The following RADIL variants were observed in gnomAD, a reference collection of about 807,000 sequenced individuals.
The protein encoded by RADIL is ras-associating and dilute domain-containing protein.
RADIL carries 99 observed loss-of-function variants against 97.6 expected under a neutral mutation model. The observed-to-expected ratio is 1.01, with a 90% CI of 0.86 to 1.20. The LOEUF is 1.20. RADIL is among the 50% of genes most tolerant of loss of function. The probability of loss-of-function intolerance (pLI) is 0.00; values close to 1 mark genes in which losing one functional copy is unlikely to be tolerated. For synonymous variants in RADIL, 803 were observed against 691.8 expected (o/e 1.16, Z -2.52); for missense variants, 1,765 against 1,498.9 (o/e 1.18, Z -2.93).
At chr7:4,869,759 A>G (rs1218690280) in intron 2 of RADIL, among the ~76,000 whole-genome samples, 1 of 152,172 alleles carries the variant, frequency 6.6e-6, no homozygotes, top group African/African-American at 2.4e-5. Flanking sequence ...CTCAAGACTA[A>G]TAAGGTCAAT....
At chr7:4,799,844 C>A in intron 13 of RADIL, 75 bp from the exon 14 acceptor site, 1 of 1,434,542 alleles carries the variant, frequency 7.0e-7, no homozygotes, top group Non-Finnish European at 9.1e-7. Context: ...GCAGCCCCTC[C>A]CTTGGCACCT....
Position 4,849,913 on chromosome 7 carries a change from T to C in RADIL, c.536-13308A>G. Among the ~76,000 whole-genome samples the C allele has an allele frequency of 6.6e-6, 1 of 151,928 alleles. No homozygotes were observed. Among genetic ancestry groups the C allele is most frequent in the South Asian group, 2.1e-4 (1 of 4,820 alleles). ...TTATGTCCTAGTTTAATTGTATTTT[T>C]TATGGTGGTTAACACTGGTGATCTT... is the stretch of plus-strand genomic sequence containing the variant. On this transcript the variant is annotated intron_variant, in intron 2 of 14. Transcript: ENST00000399583. This position sits in a 1 kb window ranked among gnomAD's most constrained non-coding sequence, Gnocchi z 5.4.
chr7:4,844,257 A>G (rs1783516162), intron 2 of RADIL, among the ~76,000 whole-genome samples: 1 of 152,100 alleles, frequency 6.6e-6, no homozygotes, highest in African/African-American at 2.4e-5. Context: ...CATCCTGGCC[A>G]ACATGGTAAA....
At chr7:4,832,761 AAAG>A in intron 4 of RADIL, among the ~76,000 whole-genome samples, 1 of 145,512 alleles carries the variant, frequency 6.9e-6, no homozygotes, top group Non-Finnish European at 1.5e-5. Flanking sequence ...AAAAAAAAAA[AAAG>A]AATTATTCTT....
In RADIL at chr7:4,842,009, C is replaced by T. The variant is rs1202993651; in HGVS notation, c.536-5404G>A. On this transcript the variant is annotated intron_variant, in intron 2 of 14. Coordinates refer to ENST00000399583, the MANE Select transcript of RADIL (RefSeq NM_018059.5). This position sits in a 1 kb window ranked among gnomAD's most constrained non-coding sequence, Gnocchi z 4.5. Reference sequence around the variant, plus strand: ...GGTCGAGGCTGCAGTGAGCTACGATCACGCCACCGCACTCCAGCCTGGGCA... The same window carrying T: ...GGTCGAGGCTGCAGTGAGCTACGATTACGCCACCGCACTCCAGCCTGGGCA... 6.6e-6 allele frequency among the ~76,000 whole-genome samples: 1 copy of T among 151,566 alleles called. No homozygotes were observed. Among genetic ancestry groups the T allele is most frequent in the East Asian group, 1.9e-4 (1 of 5,160 alleles).
chr7:4,831,577 CAAAAA>C (rs397889423), intron 5 of RADIL, among the ~76,000 whole-genome samples: 5 of 77,868 alleles, frequency 6.4e-5, no homozygotes, highest in East Asian at 3.9e-4. Flanking sequence ...TGAAGATTCT[CAAAAA>C]AAAAAAAAAA....
Position 4,816,216 on chromosome 7 carries a change from C to A in RADIL, c.1966+12G>T. On this transcript the variant is annotated intron_variant, in intron 8 of 14. Coordinates refer to ENST00000399583, the MANE Select transcript of RADIL (RefSeq NM_018059.5). Reference sequence around the variant, plus strand: ...GAGCCCCCGACCCCTCAACCCTGCACGAGGCCCTCACCCCTGTCGAGGAGC... The same window carrying A: ...GAGCCCCCGACCCCTCAACCCTGCAAGAGGCCCTCACCCCTGTCGAGGAGC... 4 of 1,603,406 alleles carry A rather than the reference C, an allele frequency of 2.5e-6. No homozygotes were observed. Among genetic ancestry groups the A allele is most frequent in the Non-Finnish European group, 3.4e-6 (4 of 1,172,436 alleles).
intron 2 of RADIL, among the ~76,000 whole-genome samples, chr7:4,846,857 T>G (rs1357008550): frequency 6.6e-6 from 1 of 152,064 alleles, no homozygotes; most frequent in Non-Finnish European, 1.5e-5. Flanking sequence ...ACAACCACAT[T>G]TTTTAATGGA....
chr7:4,804,797 C>A (rs565090392), intron 10 of RADIL, among the ~76,000 whole-genome samples: 1 of 148,692 alleles, frequency 6.7e-6, no homozygotes, highest in African/African-American at 2.5e-5. Context: ...GTCAATCAAT[C>A]AATAAAAGGC....
At position 4,837,891 on chromosome 7, in the gene RADIL, C is replaced by G; in HGVS notation, c.536-1286G>C. 1 of 985,446 alleles carries G rather than the reference C, an allele frequency of 1.0e-6. No individual in the cohort carries two copies. The highest frequency in any genetic ancestry group is 1.2e-6 in the Non-Finnish European group (1 of 829,938). The allele number at this position is 985,446 out of a possible 1,614,324, so 61.0% of individuals were successfully genotyped here. On this transcript the variant is annotated intron_variant, in intron 2 of 14. Coordinates refer to ENST00000399583, the MANE Select transcript of RADIL (RefSeq NM_018059.5). This position sits in a 1 kb window ranked among gnomAD's most constrained non-coding sequence, Gnocchi z 5.6. ...CTCTGCTGAGTTCCCTGTACGCAGC[C>G]TTTCAGGTTAAGATCCATCCCCATC...
rs60923496 is a variant in RADIL at position 4,839,011 on chromosome 7, C to T, written c.536-2406G>A. Among the ~76,000 whole-genome samples, 338 of 152,356 alleles carry T rather than the reference C, an allele frequency of 2.2e-3. 2 individuals carry two copies. The highest frequency in any genetic ancestry group is 7.8e-3 in the African/African-American group (323 of 41,584). ...TGAGTTAGCAAAGCCCAGAACCCAC[C>T]CAATCACCCCCCACAGGGAGCCGCC... On this transcript the variant is annotated intron_variant, in intron 2 of 14. Coordinates refer to ENST00000399583, the MANE Select transcript of RADIL (RefSeq NM_018059.5).
At position 4,822,768 on chromosome 7, in the gene RADIL, A is replaced by C. The variant is rs1782870538; in HGVS notation, c.1455-214T>G. ...GACAGCCAGAGGACCCTACAAACCT[A>C]GCAGGAAGACAGCTGGGCGCCACAG... On this transcript the variant is annotated intron_variant, in intron 5 of 14. Coordinates refer to ENST00000399583, the MANE Select transcript of RADIL (RefSeq NM_018059.5). The surrounding 1 kb of genome is among the most constrained non-coding windows in gnomAD (Gnocchi z 5.3). Among the ~76,000 whole-genome samples, 1 of 152,202 alleles carries C rather than the reference A, an allele frequency of 6.6e-6. No individual in the cohort carries two copies. The highest frequency in any genetic ancestry group is 1.5e-5 in the Non-Finnish European group (1 of 68,038).
chr7:4,805,361 C>G, intron 10 of RADIL: 1 of 530,540 alleles, frequency 1.9e-6, no homozygotes, highest in East Asian at 3.1e-5. Context: ...CTCCTTGACT[C>G]CCCCGCCGAG....
At position 4,847,597 on chromosome 7, in the gene RADIL, T is replaced by A. The variant is rs569715922; in HGVS notation, c.536-10992A>T. 3.9e-5 allele frequency among the ~76,000 whole-genome samples: 6 copies of A among 152,138 alleles called. No individual in the cohort carries two copies. The South Asian group carries it at 1.2e-3, about 32-fold the overall frequency. On this transcript the variant is annotated intron_variant, in intron 2 of 14. Transcript: ENST00000399583. ...GTCAACAAGGGAGAAATAATCCAAA[T>A]GTCCATCAACGGGTGAACAGATGAA...
In RADIL at chr7:4,842,729, C is replaced by T. The variant is rs753938311; in HGVS notation, c.536-6124G>A. On this transcript the variant is annotated intron_variant, in intron 2 of 14. Transcript: ENST00000399583. This position sits in a 1 kb window ranked among gnomAD's most constrained non-coding sequence, Gnocchi z 4.5. ...GAATAATGATATATACAACTTGGAA[C>T]CGTTTCTGTCACCCATCCCCACTCG... Among the ~76,000 whole-genome samples the T allele has an allele frequency of 5.9e-5, 9 of 152,150 alleles. No individual in the cohort carries two copies. Among genetic ancestry groups the T allele is most frequent in the Non-Finnish European group, 1.3e-4 (9 of 68,026 alleles).
intron 10 of RADIL, chr7:4,804,188 G>A (rs1782215360): frequency 7.4e-6 from 2 of 269,036 alleles, no homozygotes; most frequent in Non-Finnish European, 1.5e-5. Context: ...CCTGTGTGCG[G>A]GCTGCTCTCT....
In RADIL at chr7:4,883,153, C is replaced by A. The variant is rs1010661131; in HGVS notation, c.-65+443G>T. Among the ~76,000 whole-genome samples, 2 of 145,830 alleles carry A rather than the reference C, an allele frequency of 1.4e-5. No homozygotes were observed. Among genetic ancestry groups the A allele is most frequent in the African/African-American group, 5.6e-5 (2 of 35,426 alleles). On this transcript the variant is annotated intron_variant, in intron 1 of 14. Transcript: ENST00000399583. This position sits in a 1 kb window ranked among gnomAD's most constrained non-coding sequence, Gnocchi z 7.1. ...TCTCGCCGGCCCAGGTGGGAGAGCGCGCGGAACCCTGCGCCCCGCTCCCCC... is the reference window on the plus strand; with the variant it reads ...TCTCGCCGGCCCAGGTGGGAGAGCGAGCGGAACCCTGCGCCCCGCTCCCCC...
chr7:4,871,888 GA>G (rs1784263811), intron 2 of RADIL, among the ~76,000 whole-genome samples: 1 of 152,198 alleles, frequency 6.6e-6, no homozygotes, highest in Non-Finnish European at 1.5e-5. Context: ...TGTTTAGCCT[GA>G]ACCTTCCTGG....
At chr7:4,877,493 A>C in intron 2 of RADIL, 112 bp downstream of exon 2, 1 of 1,221,942 alleles carries the variant, frequency 8.2e-7, no homozygotes, top group South Asian at 1.5e-5. Flanking sequence ...TGCCTCCTGC[A>C]GAGCGAGCCC....
Sources: gnomAD v4.1 joint callset for allele counts (sites outside exome capture counted in the v4.1 genomes callset) on GRCh38, gnomAD v4.1.1 for gene constraint, Gnocchi (gnomAD v3.1) non-coding constraint, MANE v1.5 for transcripts, NCBI Gene and HGNC (gene_info 2026-07-23, HGNC 2026-07-21) for gene names.